PEAK1: variants seen among roughly 807,000 people sequenced by gnomAD.
PEAK1 encodes pseudopodium enriched atypical kinase 1, also known as inactive tyrosine-protein kinase PEAK1.
Under a neutral mutation model 124.7 loss-of-function variants are expected in PEAK1, and 54 were observed. That is an observed-to-expected ratio of 0.43 (90% CI 0.35 to 0.54). The LOEUF (loss-of-function observed/expected upper bound fraction) is 0.54. PEAK1 is among the 20% of genes least tolerant of loss of function. PEAK1 has a pLI of 0.01. For missense variants in PEAK1, 2,046 were observed against 2,134.5 expected (o/e 0.96, Z 0.82); for synonymous variants, 719 against 760.0 (o/e 0.95, Z 0.89).
At position 77,341,371 on chromosome 15, in the gene PEAK1, G is replaced by A. The variant is rs190059883; in HGVS notation, c.-603+23792C>T. On this transcript the variant is annotated intron_variant, in intron 2 of 9. Transcript: ENST00000682557. ...AAAAATCAGCTGGGCATAGTGGCACGTGACTGTAATCCCAGCTCCTCGGGA... is the reference window on the plus strand; with the variant it reads ...AAAAATCAGCTGGGCATAGTGGCACATGACTGTAATCCCAGCTCCTCGGGA... Among the ~76,000 whole-genome samples the A allele has an allele frequency of 6.7e-4, 102 of 152,160 alleles. 1 individual carries two copies. Among genetic ancestry groups the A allele is most frequent in the African/African-American group, 2.4e-3 (99 of 41,510 alleles).
chr15:77,353,026 TA>T (rs973261783), intron 2 of PEAK1: 1 of 985,112 alleles, frequency 1.0e-6, no homozygotes, highest in Admixed American at 6.1e-5. Context: ...TGTTGGCTAA[TA>T]GCAAAGAAAA....
At chr15:77,291,729 G>A (rs1012603688) in intron 2 of PEAK1, among the ~76,000 whole-genome samples, 2 of 152,072 alleles carry the variant, frequency 1.3e-5, no homozygotes, top group Non-Finnish European at 2.9e-5. Context: ...TGTAATCCCA[G>A]CACTTTGGGA....
intron 2 of PEAK1, chr15:77,349,699 G>T (rs966789497): frequency 2.0e-6 from 2 of 984,942 alleles, no homozygotes; most frequent in African/African-American, 3.5e-5. Context: ...CTTCACGTAG[G>T]ATTTTCAAGC....
At chr15:77,132,449 C>A (rs1320233411) in intron 9 of PEAK1, among the ~76,000 whole-genome samples, 1 of 151,624 alleles carries the variant, frequency 6.6e-6, no homozygotes, top group Non-Finnish European at 1.5e-5. Flanking sequence ...AATCCCAGCA[C>A]TTTGGGAGGC....
At chr15:77,417,100 T>TC (rs2072940683) in intron 1 of PEAK1, among the ~76,000 whole-genome samples, 1 of 151,808 alleles carries the variant, frequency 6.6e-6, no homozygotes, top group Non-Finnish European at 1.5e-5. Flanking sequence ...CCTCCACCCA[T>TC]CCCCCGAAGT....
At chr15:77,414,107 G>A (rs2072636147) in intron 1 of PEAK1, among the ~76,000 whole-genome samples, 1 of 95,542 alleles carries the variant, frequency 1.0e-5, no homozygotes, top group African/African-American at 3.2e-5. Context: ...ACAGGAATAA[G>A]CCACCACACC....
At chr15:77,370,786 C>T in intron 1 of PEAK1, 1 of 956,182 alleles carries the variant, frequency 1.0e-6, no homozygotes, top group Non-Finnish European at 1.2e-6. Flanking sequence ...AATCTCAACA[C>T]TTTGGGAGGC....
intron 5 of PEAK1, among the ~76,000 whole-genome samples, chr15:77,264,599 A>T (rs1173883862): frequency 7.9e-5 from 12 of 152,208 alleles, no homozygotes; most frequent in Non-Finnish European, 1.6e-4. Flanking sequence ...TCAATGAAAT[A>T]AAAGAGGATA....
intron 6 of PEAK1, among the ~76,000 whole-genome samples, chr15:77,195,048 A>T (rs1048020583): frequency 2.0e-5 from 3 of 152,124 alleles, no homozygotes; most frequent in African/African-American, 7.2e-5. Flanking sequence ...TTTTTAAACA[A>T]CTTATTTTAT....
At chr15:77,393,265 G>A (rs895313616) in intron 1 of PEAK1, among the ~76,000 whole-genome samples, 2 of 152,162 alleles carry the variant, frequency 1.3e-5, no homozygotes, top group Admixed American at 6.5e-5. Flanking sequence ...ACTTTGGGGA[G>A]TACACAACCT....
intron 6 of PEAK1, among the ~76,000 whole-genome samples, chr15:77,234,666 A>C (rs527681544): frequency 6.6e-6 from 1 of 150,700 alleles, no homozygotes; most frequent in South Asian, 2.1e-4. Flanking sequence ...ATTACAGAAA[A>C]TTTTTTTTTT....
intron 6 of PEAK1, among the ~76,000 whole-genome samples, chr15:77,186,135 G>T (rs1259888475): frequency 6.6e-6 from 1 of 152,078 alleles, no homozygotes; most frequent in African/African-American, 2.4e-5. Context: ...TTAACAGTTT[G>T]GGGGCAGTTC....
At chr15:77,250,408 G>A (rs903254431) in intron 6 of PEAK1, among the ~76,000 whole-genome samples, 15 of 150,190 alleles carry the variant, frequency 1.0e-4, no homozygotes, top group East Asian at 2.0e-4. Context: ...CACCACACCC[G>A]GCTAATTTTT....
At chr15:77,301,140 G>T (rs1325011651) in intron 2 of PEAK1, among the ~76,000 whole-genome samples, 1 of 152,136 alleles carries the variant, frequency 6.6e-6, no homozygotes, top group Non-Finnish European at 1.5e-5. Context: ...AGAAATCAAA[G>T]AATCAAGTAA....
At chr15:77,281,885 T>C (rs78625565) in intron 5 of PEAK1, among the ~76,000 whole-genome samples, 5,067 of 152,294 alleles carry the variant, frequency 0.033, 286 homozygotes, top group African/African-American at 0.11. Context: ...CAACAGATTC[T>C]GTAATTCTCC....
At chr15:77,418,383 A>C in intron 1 of PEAK1, 1 of 985,218 alleles carries the variant, frequency 1.0e-6, no homozygotes, top group Non-Finnish European at 1.2e-6. Context: ...AGAGAATCCA[A>C]AATAAAGACA....
In PEAK1 at chr15:77,331,701, C is replaced by A. The variant is rs554347442; in HGVS notation, c.-603+33462G>T. Among the ~76,000 whole-genome samples, 52 of 152,124 alleles carry A rather than the reference C, an allele frequency of 3.4e-4. 2 individuals are homozygous for A. The South Asian group carries it at 0.011, about 32-fold the overall frequency. ...GCACGATCTCAGCTCACTGCAACCT[C>A]CGCCTCCTGGGTCCAAGCAATTCTC... On this transcript the variant is annotated intron_variant, in intron 2 of 9. Transcript: ENST00000682557.
chr15:77,408,072 TACATATATACACATATATAC>T (rs1195713339), intron 1 of PEAK1, among the ~76,000 whole-genome samples: 52 of 127,118 alleles, frequency 4.1e-4, no homozygotes, highest in Admixed American at 9.8e-4. Flanking sequence ...TACACATATA[TACATATATACACATATATAC>T]ACACACATAT....
At chr15:77,340,228 T>C (rs894119097) in intron 2 of PEAK1, among the ~76,000 whole-genome samples, 1 of 152,222 alleles carries the variant, frequency 6.6e-6, no homozygotes, top group Admixed American at 6.5e-5. Flanking sequence ...AAACAAGATG[T>C]CCTTCAATAG....
Sources: gnomAD v4.1 joint callset for allele counts (sites outside exome capture counted in the v4.1 genomes callset) on GRCh38, gnomAD v4.1.1 for gene constraint, MANE v1.5 for transcripts, NCBI Gene and HGNC (gene_info 2026-07-23, HGNC 2026-07-21) for gene names.